Variants in PIBF1 observed in about 807,000 individuals in gnomAD.
PIBF1 encodes progesterone-induced-blocking factor 1.
PIBF1 carries 90 observed loss-of-function variants against 112.5 expected under a neutral mutation model. That is an observed-to-expected ratio of 0.80 (90% confidence interval 0.67 to 0.95). The LOEUF (loss-of-function observed/expected upper bound fraction) is 0.95. PIBF1 is among the 40% of genes least tolerant of loss of function. The pLI is 0.00. For missense variants in PIBF1, 915 were observed against 852.3 expected (o/e 1.07, Z -0.92); for synonymous variants, 301 against 288.6 (o/e 1.04, Z -0.44).
chr13:72,900,138 C>T (rs773808604), intron 11 of PIBF1, among the ~76,000 whole-genome samples: 37 of 152,042 alleles, frequency 2.4e-4, no homozygotes, highest in Non-Finnish European at 3.5e-4. Flanking sequence ...CCCATGCTCA[C>T]GGATGTGTAG....
In PIBF1 at chr13:72,928,294, A is replaced by G. The variant is rs576071385; in HGVS notation, c.1731-2871A>G. Among the ~76,000 whole-genome samples, 34 of 152,084 alleles carry G rather than the reference A, an allele frequency of 2.2e-4. No individual in the cohort carries two copies. In the South Asian group the frequency reaches 5.8e-3, roughly 26 times the overall value. Reference sequence around the variant, plus strand: ...ACTAGTAATCAAAGCACTGTAGAGTATATTTGTAAGCAATTTGAAGATACC... The same window carrying G: ...ACTAGTAATCAAAGCACTGTAGAGTGTATTTGTAAGCAATTTGAAGATACC... On this transcript the variant is annotated intron_variant, in intron 13 of 17. Coordinates refer to ENST00000326291, the MANE Select transcript of PIBF1 (RefSeq NM_006346.4).
chr13:72,829,454 T>C (rs1301999270), intron 8 of PIBF1, among the ~76,000 whole-genome samples: 1 of 152,056 alleles, frequency 6.6e-6, no homozygotes, highest in Non-Finnish European at 1.5e-5. Context: ...TTGATTTTTG[T>C]ATAAGGTATA....
chr13:72,975,098 C>T (rs1318510572), intron 16 of PIBF1, among the ~76,000 whole-genome samples: 2 of 150,774 alleles, frequency 1.3e-5, no homozygotes, highest in East Asian at 3.9e-4. Context: ...CTCTGTCACC[C>T]AGGCTGGAGT....
intron 14 of PIBF1, among the ~76,000 whole-genome samples, chr13:72,939,453 A>G (rs903452833): frequency 1.3e-5 from 2 of 152,108 alleles, no homozygotes; most frequent in South Asian, 2.1e-4. Flanking sequence ...TCATCTGGAT[A>G]TGTTTCATAT....
chr13:72,977,136 C>A (rs1392480454), intron 16 of PIBF1, among the ~76,000 whole-genome samples: 1 of 152,062 alleles, frequency 6.6e-6, no homozygotes, highest in Non-Finnish European at 1.5e-5. Context: ...TTTAAAGTTT[C>A]TTATTTTCTT....
At chr13:72,998,351 C>T (rs993791342) in intron 16 of PIBF1, among the ~76,000 whole-genome samples, 18 of 152,018 alleles carry the variant, frequency 1.2e-4, no homozygotes, top group Admixed American at 9.2e-4. Context: ...TGGCATGCGC[C>T]TGTAGTCCCA....
intron 10 of PIBF1, among the ~76,000 whole-genome samples, chr13:72,878,744 T>A (rs755604560): frequency 1.4e-4 from 22 of 152,330 alleles, no homozygotes; most frequent in Middle Eastern, 6.8e-3. Flanking sequence ...ACTATAGTAG[T>A]AGATTCATGT....
At chr13:72,941,829 G>C (rs908300485) in intron 14 of PIBF1, among the ~76,000 whole-genome samples, 1 of 152,216 alleles carries the variant, frequency 6.6e-6, no homozygotes, top group South Asian at 2.1e-4. Flanking sequence ...TTCTCTGTTT[G>C]GGTTTTAATA....
At position 72,817,834 on chromosome 13, in the gene PIBF1, A is replaced by G. The variant is rs907854619; in HGVS notation, c.673-4015A>G. 7.9e-5 allele frequency among the ~76,000 whole-genome samples: 12 copies of G among 152,226 alleles called. No individual in the cohort carries two copies. The South Asian group carries it at 2.1e-3, about 26-fold the overall frequency. ...GGGGTTTATTTTGAGGGAAGATGCT[A>G]TTTTTCCTGTTTCCAATGCTATGGC... On this transcript the variant is annotated intron_variant, in intron 5 of 17. Coordinates refer to ENST00000326291, the MANE Select transcript of PIBF1 (RefSeq NM_006346.4).
In PIBF1 at chr13:72,827,126, T is replaced by C. The variant is rs746939587; in HGVS notation, c.915+8T>C. The C allele has an allele frequency of 6.2e-6, 9 of 1,440,224 alleles. No individual in the cohort carries two copies. The East Asian group carries it at 1.9e-4, about 30-fold the overall frequency. The allele number at this position is 1,440,224 out of a possible 1,614,324, so 89.2% of individuals were successfully genotyped here. ...AGTGAATTATCAAAAGAGGTAAGCT[T>C]ATAATTAGAGTCACTTATATTATAT... On this transcript the variant is annotated splice_region_variant and intron_variant, in intron 7 of 17. Transcript: ENST00000326291.
At chr13:72,895,166 T>G (rs2040231579) in intron 11 of PIBF1, among the ~76,000 whole-genome samples, 1 of 151,990 alleles carries the variant, frequency 6.6e-6, no homozygotes, top group Non-Finnish European at 1.5e-5. Context: ...TATCTTATGT[T>G]TACTTTGGGA....
intron 10 of PIBF1, among the ~76,000 whole-genome samples, chr13:72,859,410 T>C (rs1407894800): frequency 6.6e-6 from 1 of 152,182 alleles, no homozygotes; most frequent in Non-Finnish European, 1.5e-5. Context: ...ACTGAAGGGC[T>C]TTATCCAAAT....
intron 11 of PIBF1, among the ~76,000 whole-genome samples, chr13:72,898,698 A>G (rs1207826588): frequency 1.3e-5 from 2 of 149,960 alleles, no homozygotes; most frequent in Non-Finnish European, 3.0e-5. Flanking sequence ...AAAAAAAAAA[A>G]TAAAGCCGGG....
At chr13:72,983,913 T>A (rs546740790) in intron 16 of PIBF1, among the ~76,000 whole-genome samples, 4 of 152,340 alleles carry the variant, frequency 2.6e-5, no homozygotes, top group Admixed American at 6.5e-5. Flanking sequence ...AATATACTTG[T>A]TTCTCAGATT....
rs750572320 is a variant in PIBF1, at chr13:72,821,941, G to A, written c.765G>A (p.Gln255=). ...TAGCAGACACAAAACAGTTAATTCA[G>A]CAAGGTGACTACCGTCAAGAGAACT... ...LELADTKQLI[Q]QGDYRQENYD... Residue 255 remains glutamine (Q), a synonymous_variant, in exon 6 of 18, where the codon CAG becomes CAA. Coordinates refer to ENST00000326291, the MANE Select transcript of PIBF1 (RefSeq NM_006346.4). The A allele has an allele frequency of 6.2e-7, 1 of 1,612,612 alleles. No individual in the cohort carries two copies. The highest frequency in any genetic ancestry group is 8.5e-7 in the Non-Finnish European group (1 of 1,179,192).
chr13:72,973,670 C>T lies in PIBF1; in HGVS notation c.2044C>T (p.Arg682Cys), dbSNP rs1372419344. ...AGATTTAGAACAACTTCTAAATCAT[C>T]GTGAGGTATTTTTCCTATTTTGTCA... ...ALDLEQLLNHREELAAMKQIL... is the reference protein window; with the variant it reads ...ALDLEQLLNHCEELAAMKQIL... The change falls in exon 16 of 18, where the codon CGT (arginine) becomes TGT (cysteine). Residue 682 changes from arginine to cysteine, a missense_variant. Coordinates refer to ENST00000326291, the MANE Select transcript of PIBF1 (RefSeq NM_006346.4). The T allele has an allele frequency of 3.9e-6, 6 of 1,520,524 alleles. No individual in the cohort carries two copies. The highest frequency in any genetic ancestry group is 3.6e-5 in the South Asian group (3 of 84,258). 94.2% of individuals were successfully genotyped at this position (1,520,524 alleles called of 1,614,324 possible).
At chr13:72,944,458 AAG>A (rs1491584734) in intron 14 of PIBF1, among the ~76,000 whole-genome samples, 10 of 150,100 alleles carry the variant, frequency 6.7e-5, no homozygotes, top group South Asian at 4.2e-4. Flanking sequence ...AAAAAAAAAA[AAG>A]AAGAAAAAGA....
At chr13:72,792,294 A>C (rs2034973059) in intron 2 of PIBF1, among the ~76,000 whole-genome samples, 153 bp from the exon 3 acceptor site, 1 of 152,122 alleles carries the variant, frequency 6.6e-6, no homozygotes. Flanking sequence ...TGGCCTTCCA[A>C]AGTGCTGGAA....
chr13:73,003,399 C>T (rs2043936021), intron 17 of PIBF1, among the ~76,000 whole-genome samples: 1 of 151,950 alleles, frequency 6.6e-6, no homozygotes, highest in African/African-American at 2.4e-5. Flanking sequence ...ATTACAGGCA[C>T]ATGCCACCAT....
Sources: gnomAD v4.1 joint callset for allele counts (sites outside exome capture counted in the v4.1 genomes callset) on GRCh38, gnomAD v4.1.1 for gene constraint, MANE v1.5 for transcripts, NCBI Gene and HGNC (gene_info 2026-07-23, HGNC 2026-07-21) for gene names.